Variants in SHISA9 observed in about 807,000 individuals in gnomAD.
SHISA9 encodes protein shisa-9.
SHISA9 carries 13 observed loss-of-function variants against 38.0 expected under a neutral mutation model. The observed-to-expected ratio is 0.34, with a 90% confidence interval of 0.22 to 0.54. The LOEUF is 0.54. Among genes scored for constraint, SHISA9 ranks in the 20% least tolerant of loss-of-function variants. The pLI is 0.91. For missense variants in SHISA9, 538 were observed against 575.8 expected (o/e 0.93, Z 0.67); for synonymous variants, 275 against 242.0 (o/e 1.14, Z -1.27).
the SHISA9 span, among the ~76,000 whole-genome samples, chr16:13,420,173 A>G: frequency 8.2e-6 from 1 of 121,262 alleles, no homozygotes; most frequent in Non-Finnish European, 1.6e-5. Context: ...TTGAATCTGG[A>G]GCGGGGAGGT....
chr16:13,129,244 A>C (rs2050287292), intron 2 of SHISA9, among the ~76,000 whole-genome samples: 1 of 152,248 alleles, frequency 6.6e-6, no homozygotes, highest in Non-Finnish European at 1.5e-5. Flanking sequence ...GAAGAAAAAC[A>C]ACCCCAAATT....
chr16:13,419,270 G>C, the SHISA9 span, among the ~76,000 whole-genome samples: 1 of 152,186 alleles, frequency 6.6e-6, no homozygotes, highest in Non-Finnish European at 1.5e-5. Flanking sequence ...ATAGGGATAA[G>C]CTCCAAGAAA....
At chr16:13,231,757 A>C (rs1182772801) in intron 4 of SHISA9, among the ~76,000 whole-genome samples, 8 of 152,180 alleles carry the variant, frequency 5.3e-5, no homozygotes, top group African/African-American at 1.9e-4. Flanking sequence ...TGCGGTGATC[A>C]ATGAATGATG....
chr16:12,988,977 CT>C (rs1467111708), intron 2 of SHISA9, among the ~76,000 whole-genome samples: 1 of 152,192 alleles, frequency 6.6e-6, no homozygotes, highest in Non-Finnish European at 1.5e-5. Context: ...GTTTACCACT[CT>C]TTGCAATAAG....
At chr16:13,556,629 C>G in the SHISA9 span, among the ~76,000 whole-genome samples, 1 of 151,976 alleles carries the variant, frequency 6.6e-6, no homozygotes, top group South Asian at 2.1e-4. Context: ...CGCCATTGCA[C>G]TCCAGCCTGG....
the SHISA9 span, among the ~76,000 whole-genome samples, chr16:13,412,793 G>A: frequency 6.6e-6 from 1 of 152,062 alleles, no homozygotes; most frequent in Non-Finnish European, 1.5e-5. Flanking sequence ...GGAGGCAGAG[G>A]TTGCAGTGAG....
At chr16:12,914,670 C>T (rs748153314) in intron 1 of SHISA9, among the ~76,000 whole-genome samples, 4 of 152,146 alleles carry the variant, frequency 2.6e-5, no homozygotes, top group African/African-American at 7.2e-5. Context: ...GTCTCACAGC[C>T]GAGATGTCTC....
At chr16:13,323,576 T>C in the SHISA9 span, among the ~76,000 whole-genome samples, 1 of 152,160 alleles carries the variant, frequency 6.6e-6, no homozygotes, top group African/African-American at 2.4e-5. Flanking sequence ...TGAGACTGTG[T>C]CATCTATAAA....
the SHISA9 span, among the ~76,000 whole-genome samples, chr16:13,417,928 G>T: frequency 0.72 from 108,950 of 152,112 alleles, 39,200 homozygotes; most frequent in East Asian, 0.81. Context: ...GAAATCTCTT[G>T]GGAAGGTTTA....
chr16:13,427,043 G>C, the SHISA9 span, among the ~76,000 whole-genome samples: 2 of 152,170 alleles, frequency 1.3e-5, no homozygotes, highest in Non-Finnish European at 2.9e-5. Flanking sequence ...CTGGGACCAG[G>C]CTAGCAGAAT....
the SHISA9 span, among the ~76,000 whole-genome samples, chr16:13,407,479 C>T: frequency 7.2e-5 from 11 of 152,300 alleles, no homozygotes; most frequent in South Asian, 2.3e-3. Flanking sequence ...AATACCATCA[C>T]ACTGGCCATT....
chr16:13,560,399 C>G, the SHISA9 span, among the ~76,000 whole-genome samples: 1 of 152,082 alleles, frequency 6.6e-6, no homozygotes, highest in African/African-American at 2.4e-5. Context: ...AATCATGGAG[C>G]TAAGTATTGG....
At chr16:13,223,155 G>C (rs935454840) in intron 4 of SHISA9, among the ~76,000 whole-genome samples, 1 of 152,146 alleles carries the variant, frequency 6.6e-6, no homozygotes, top group East Asian at 1.9e-4. Flanking sequence ...GGCTGGGTGC[G>C]GTGGCTCATG....
chr16:13,417,246 G>C, the SHISA9 span, among the ~76,000 whole-genome samples: 1 of 152,214 alleles, frequency 6.6e-6, no homozygotes, highest in Admixed American at 6.5e-5. Flanking sequence ...CCCGCAAAAG[G>C]AAAGGTGATA....
chr16:12,957,074 T>C (rs1378979613), intron 2 of SHISA9, among the ~76,000 whole-genome samples: 1 of 152,140 alleles, frequency 6.6e-6, no homozygotes, highest in Non-Finnish European at 1.5e-5. Flanking sequence ...TCATCTACTC[T>C]CTTCTCCCTC....
At chr16:13,374,295 TCCTAATGCTATCCCTCCCCTGG>T in the SHISA9 span, among the ~76,000 whole-genome samples, 1 of 152,150 alleles carries the variant, frequency 6.6e-6, no homozygotes, top group Non-Finnish European at 1.5e-5. Flanking sequence ...TAGGTATATT[TCCTAATGCTATCCCTCCCCTGG>T]CCCTCCATCC....
intron 2 of SHISA9, among the ~76,000 whole-genome samples, chr16:12,962,760 G>A: frequency 6.6e-6 from 1 of 152,164 alleles, no homozygotes; most frequent in Non-Finnish European, 1.5e-5. Context: ...TGGCCCAAAT[G>A]GACTAAGACA....
At chr16:13,401,460 T>TC in the SHISA9 span, among the ~76,000 whole-genome samples, 1 of 152,178 alleles carries the variant, frequency 6.6e-6, no homozygotes, top group South Asian at 2.1e-4. Flanking sequence ...ATGTCTGTGT[T>TC]CCCCCAGTGT....
chr16:13,145,264 C>G (rs2050437080), intron 2 of SHISA9, among the ~76,000 whole-genome samples: 2 of 152,198 alleles, frequency 1.3e-5, no homozygotes, highest in African/African-American at 4.8e-5. Context: ...GTGGCTCACG[C>G]CTGTAATCCT....
Sources: gnomAD v4.1 joint callset for allele counts (sites outside exome capture counted in the v4.1 genomes callset) on GRCh38, gnomAD v4.1.1 for gene constraint, MANE v1.5 for transcripts, NCBI Gene and HGNC (gene_info 2026-07-23, HGNC 2026-07-21) for gene names.